TTC19: variants seen among roughly 807,000 people sequenced by gnomAD.
TTC19 encodes the protein tetratricopeptide repeat domain 19.
A neutral mutation model predicts 49.5 loss-of-function variants in TTC19; 38 were observed. The observed-to-expected ratio is 0.77, with a 90% confidence interval of 0.59 to 1.01. The LOEUF (loss-of-function observed/expected upper bound fraction) is 1.01. Among genes scored for constraint, TTC19 ranks in the 50% least tolerant of loss-of-function variants. The probability of loss-of-function intolerance (pLI) is 0.00; values close to 1 mark genes in which losing one functional copy is unlikely to be tolerated. For synonymous variants in TTC19, 204 were observed against 185.2 expected, an observed-to-expected ratio of 1.10 and a Z score of -0.83; for missense variants, 475 against 477.7, an observed-to-expected ratio of 0.99 and a Z score of 0.05.
intron 2 of TTC19, among the ~76,000 whole-genome samples, chr17:16,041,897 T>C (rs973497793): frequency 3.9e-4 from 60 of 152,242 alleles, no homozygotes; most frequent in East Asian, 2.1e-3. Context: ...CCACTATGCC[T>C]GGCTAATTTT....
At chr17:16,020,012 C>T (rs8073693) in intron 7 of TTC19, among the ~76,000 whole-genome samples, 21,993 of 150,604 alleles carry the variant, frequency 0.15, 3,456 homozygotes, top group African/African-American at 0.4. Context: ...TACCTGTAAT[C>T]CCAACTACTT....
chr17:15,999,966 G>A lies in TTC19; in HGVS notation c.118G>A (p.Val40Met). ...GCTGGCAGGAGGTCCGGGGCCCGAG[G>A]TGCAGGTGCCGCCATCCCGAGTCGC... ...PGLAGGPGPE[V>M]QVPPSRVAPH... Residue 40 changes from valine (V) to methionine (M), a missense_variant, in exon 1 of 10, where the codon GTG becomes ATG. By Grantham distance (21) the Val-to-Met change is conservative (BLOSUM62 1). Coordinates refer to ENST00000261647, the MANE Select transcript of TTC19 (RefSeq NM_017775.4). 1 of 1,306,094 alleles carries A rather than the reference G, an allele frequency of 7.7e-7. No individual in the cohort carries two copies. Among genetic ancestry groups the A allele is most frequent in the Non-Finnish European group, 9.7e-7 (1 of 1,031,370 alleles). The allele number at this position is 1,306,094 out of a possible 1,614,324, so 80.9% of individuals were successfully genotyped here. A position where few individuals can be genotyped will look rare whatever the true frequency, so the allele number is the denominator to read the frequency against.
chr17:16,031,820 G>C (rs1972053952), downstream of TTC19: 1 of 232,038 alleles, frequency 4.3e-6, no homozygotes, highest in Non-Finnish European at 8.5e-6. Flanking sequence ...TAACTGGGCT[G>C]TATGAGGTTG....
At chr17:16,024,220 G>A (rs1304524946) in intron 7 of TTC19, 2 of 151,962 alleles carry the variant, frequency 1.3e-5, no homozygotes, top group Non-Finnish European at 2.9e-5. Context: ...TGTGTTGAGA[G>A]GTGCTATGTC....
chr17:16,023,951 A>G (rs1971463192), intron 7 of TTC19: 1 of 152,204 alleles, frequency 6.6e-6, no homozygotes, highest in South Asian at 2.1e-4. Flanking sequence ...AATAAACCCA[A>G]CTGAACCTAA....
At chr17:16,041,394 T>C (rs1317567167) in intron 2 of TTC19, 2 of 144,402 alleles carry the variant, frequency 1.4e-5, no homozygotes, top group Admixed American at 7.0e-5. Flanking sequence ...TCCCAAAGAA[T>C]GTGAAAGTTC....
chr17:16,042,399 G>C (rs548398428), intron 2 of TTC19, among the ~76,000 whole-genome samples: 16 of 152,304 alleles, frequency 1.1e-4, no homozygotes, highest in African/African-American at 3.8e-4. Flanking sequence ...TTTCCTATAA[G>C]TTAACCAATG....
At chr17:16,035,529 TC>T (rs1363227194) in intron 2 of TTC19, among the ~76,000 whole-genome samples, 2 of 148,330 alleles carry the variant, frequency 1.3e-5, no homozygotes, top group South Asian at 2.1e-4. Flanking sequence ...GTTCTCTTGT[TC>T]TTTTTTTTTT....
intron 7 of TTC19, among the ~76,000 whole-genome samples, chr17:16,017,594 T>C (rs1027646366): frequency 2.0e-5 from 3 of 151,520 alleles, no homozygotes; most frequent in African/African-American, 7.3e-5. Context: ...ACCCCGTCTC[T>C]ACTAAAAATA....
Position 16,038,747 on chromosome 17 carries a change from A to ATTATT in TTC19, c.248-5745_248-5741dup, listed in dbSNP as rs111445241. Among the ~76,000 whole-genome samples, 1,259 of 150,796 alleles carry ATTATT rather than the reference A, an allele frequency of 8.3e-3. 15 individuals carry two copies. The highest frequency in any genetic ancestry group is 0.03 in the African/African-American group (1,211 of 40,970). ...TCCTACTCTTTTTTTATGGCTTACG[A>ATTATT]TTATTTTATTTTATTGTGTGTGTCT... On this transcript the variant is annotated intron_variant, in intron 2 of 2. Coordinates refer to the TTC19 transcript ENST00000470649.
intron 2 of TTC19, chr17:16,040,709 G>T: frequency 3.5e-6 from 2 of 578,302 alleles, no homozygotes; most frequent in Non-Finnish European, 6.3e-6. Flanking sequence ...AGGGAAATCA[G>T]GAAATAGGTA....
At chr17:16,020,369 T>A (rs1310016858) in intron 7 of TTC19, among the ~76,000 whole-genome samples, 1 of 152,212 alleles carries the variant, frequency 6.6e-6, no homozygotes, top group Admixed American at 6.5e-5. Context: ...GTTGTCTTTT[T>A]CTTAACGATT....
downstream of TTC19, chr17:16,031,131 A>G (rs972918832): frequency 2.1e-5 from 4 of 194,976 alleles, no homozygotes; most frequent in Non-Finnish European, 4.3e-5. Flanking sequence ...AATTATTTGC[A>G]CCTTGAGACT....
chr17:16,039,573 A>C, intron 2 of TTC19: 2 of 1,614,170 alleles, frequency 1.2e-6, no homozygotes, highest in Non-Finnish European at 1.7e-6. Flanking sequence ...AAAGCTTCCC[A>C]TGAGAGCCTT....
At chr17:16,024,513 G>C (rs1489530400) in intron 7 of TTC19, 1 of 151,066 alleles carries the variant, frequency 6.6e-6, no homozygotes, top group Non-Finnish European at 1.4e-5. Context: ...CACCATGTTA[G>C]CCAGGATGGT....
intron 2 of TTC19, among the ~76,000 whole-genome samples, chr17:16,035,100 C>T (rs1455406611): frequency 6.6e-6 from 1 of 152,162 alleles, no homozygotes; most frequent in Non-Finnish European, 1.5e-5. Flanking sequence ...TACAGGCATA[C>T]CTCAGAGATA....
chr17:16,003,657 T>G (rs1418604034), intron 4 of TTC19, among the ~76,000 whole-genome samples, 174 bp from the exon 5 acceptor site: 1 of 152,028 alleles, frequency 6.6e-6, no homozygotes, highest in East Asian at 1.9e-4. Context: ...GTCCTGATAT[T>G]TTGATCTGTT....
intron 2 of TTC19, among the ~76,000 whole-genome samples, chr17:16,041,722 G>A (rs985127298): frequency 3.3e-5 from 5 of 151,258 alleles, no homozygotes; most frequent in African/African-American, 7.3e-5. Context: ...GCCAGAATGT[G>A]AAATTAATTA....
chr17:16,001,800 T>C (rs1970743886), intron 2 of TTC19, 115 bp from the exon 3 acceptor site: 14 of 737,970 alleles, frequency 1.9e-5, no homozygotes, highest in Middle Eastern at 3.2e-4. Context: ...AAATGTCTGA[T>C]GAATGAGTTA....
Sources: gnomAD v4.1 joint callset for allele counts (sites outside exome capture counted in the v4.1 genomes callset) on GRCh38, gnomAD v4.1.1 for gene constraint, MANE v1.5 for transcripts, NCBI Gene and HGNC (gene_info 2026-07-23, HGNC 2026-07-21) for gene names.